NBPF3: variants seen among roughly 807,000 people sequenced by gnomAD.
NBPF3 encodes the protein NBPF family member NBPF3.
Under a neutral mutation model 78.1 loss-of-function variants are expected in NBPF3, and 57 were observed. That is an observed-to-expected ratio of 0.73 (90% confidence interval 0.59 to 0.91). NBPF3 has a LOEUF of 0.91. NBPF3 is among the 40% of genes least tolerant of loss of function. The pLI, the probability that NBPF3 is intolerant of heterozygous loss-of-function variation, is 0.00. For missense variants in NBPF3, 510 were observed against 715.3 expected (o/e 0.71, Z 3.27); for synonymous variants, 182 against 271.7 (o/e 0.67, Z 3.25).
chr1:21,479,820 C>CTG (rs59451117), intron 10 of NBPF3, among the ~76,000 whole-genome samples: 1,423 of 102,866 alleles, frequency 0.014, 32 homozygotes, highest in African/African-American at 0.042. Flanking sequence ...CTCTCTCTCT[C>CTG]TGTGTGTGTG....
chr1:21,479,820 C>CTGTGTGTGTGTGTGTGTGTGTGTGTGTG, intron 10 of NBPF3, among the ~76,000 whole-genome samples: 1 of 102,806 alleles, frequency 9.7e-6, no homozygotes, highest in South Asian at 4.6e-4. Flanking sequence ...CTCTCTCTCT[C>CTGTGTGTGTGTGTGTGTGTGTGTGTGTG]TGTGTGTGTG....
At chr1:21,437,122 G>A (rs1640441086), upstream of NBPF3, among the ~76,000 whole-genome samples, 3 of 152,106 alleles carry the variant, frequency 2.0e-5, no homozygotes, top group Non-Finnish European at 1.5e-5. Context: ...ACAGGTCCCT[G>A]GTCATGCAGA....
At chr1:21,472,229 G>A (rs1294316147) in intron 5 of NBPF3, among the ~76,000 whole-genome samples, 3 of 152,206 alleles carry the variant, frequency 2.0e-5, no homozygotes, top group Non-Finnish European at 2.9e-5. Flanking sequence ...ATTGTCTCTT[G>A]CAAGAGTCTG....
intron 2 of NBPF3, among the ~76,000 whole-genome samples, chr1:21,448,447 G>A (rs1641115028): frequency 6.6e-6 from 1 of 152,076 alleles, no homozygotes; most frequent in Non-Finnish European, 1.5e-5. Context: ...ACTGTCTGTA[G>A]GCCTGTTTCT....
chr1:21,462,344 G>C (rs1188146963), intron 2 of NBPF3, among the ~76,000 whole-genome samples: 1 of 152,156 alleles, frequency 6.6e-6, no homozygotes, highest in Non-Finnish European at 1.5e-5. Context: ...AATGTTCTCT[G>C]TCTTTAACTG....
chr1:21,467,864 C>T (rs1642364739), intron 2 of NBPF3, among the ~76,000 whole-genome samples: 1 of 152,218 alleles, frequency 6.6e-6, no homozygotes, highest in South Asian at 2.1e-4. Context: ...GAGCTCTGGA[C>T]ATAGGGATGT....
intron 8 of NBPF3, 89 bp downstream of exon 8, chr1:21,475,040 T>G: frequency 1.8e-6 from 2 of 1,133,486 alleles, no homozygotes; most frequent in Non-Finnish European, 2.6e-6. Context: ...TGAATAGAAC[T>G]TTTTATTCCA....
At chr1:21,480,516 C>T (rs1304042943) in intron 11 of NBPF3, among the ~76,000 whole-genome samples, 5 of 146,802 alleles carry the variant, frequency 3.4e-5, no homozygotes, top group Non-Finnish European at 7.6e-5. Flanking sequence ...ATGATTTGGA[C>T]TCAAGGGTTT....
rs536930595 is a variant in NBPF3, at chr1:21,468,838, A to C, written c.284A>C (p.Lys95Thr). ...AENKQQFRNL[K>T]QKCLVTQVAY... ...AACAAACAGCAGTTCAGAAACCTCAAACAGAAATGTCTTGTAACTCAAGTG... is the reference window on the plus strand; with the variant it reads ...AACAAACAGCAGTTCAGAAACCTCACACAGAAATGTCTTGTAACTCAAGTG... Residue 95 changes from lysine to threonine, a missense_variant, in exon 3 of 15, where the codon AAA becomes ACA. By Grantham distance (78) the Lys-to-Thr change is moderately conservative. Coordinates refer to ENST00000318249, the MANE Select transcript of NBPF3 (RefSeq NM_032264.6). 1.9e-6 allele frequency: 3 copies of C among 1,614,194 alleles called. No individual in the cohort carries two copies. Among genetic ancestry groups the C allele is most frequent in the Admixed American group, 3.3e-5 (2 of 60,022 alleles).
chr1:21,445,324 C>T, intron 2 of NBPF3, 105 bp downstream of exon 2: 1 of 1,277,672 alleles, frequency 7.8e-7, no homozygotes, highest in East Asian at 2.4e-5. Context: ...CATTGCAGGG[C>T]CTTGCCTGGC....
intron 1 of NBPF3, among the ~76,000 whole-genome samples, chr1:21,441,149 G>A (rs1189682401): frequency 6.6e-6 from 1 of 152,214 alleles, no homozygotes; most frequent in Non-Finnish European, 1.5e-5. Context: ...TTGGGTTACG[G>A]TGTTGTTCAT....
At chr1:21,478,399 G>A (rs1333588980) in intron 9 of NBPF3, 92 bp downstream of exon 9, 2 of 1,385,718 alleles carry the variant, frequency 1.4e-6, no homozygotes, top group Non-Finnish European at 2.1e-6. Context: ...GTTGGGCTGA[G>A]AGTTGCCATC....
At chr1:21,443,326 A>T (rs1640770509) in intron 1 of NBPF3, among the ~76,000 whole-genome samples, 1 of 152,212 alleles carries the variant, frequency 6.6e-6, no homozygotes, top group South Asian at 2.1e-4. Context: ...TAAGTGAATT[A>T]TATGGTGTTC....
chr1:21,472,079 C>T (rs551364153), intron 5 of NBPF3, among the ~76,000 whole-genome samples: 10 of 152,242 alleles, frequency 6.6e-5, no homozygotes, highest in Middle Eastern at 3.4e-3. Flanking sequence ...GACGGGAGGG[C>T]GCTTTTTAGA....
chr1:21,442,661 G>T (rs1373743643), intron 1 of NBPF3, among the ~76,000 whole-genome samples: 1 of 149,152 alleles, frequency 6.7e-6, no homozygotes, highest in Non-Finnish European at 1.5e-5. Flanking sequence ...TTTTATTTCA[G>T]TTTTTGCATT....
Position 21,441,754 on chromosome 1 carries a change from A to G in NBPF3, c.-140+1406A>G, listed in dbSNP as rs183732194. On this transcript the variant is annotated intron_variant, in intron 1 of 14. Transcript: ENST00000318249. The stretch of plus-strand genomic sequence containing the variant: ...ATGAATTTTGACCAAGTGAACCACC[A>G]CAGATCAAGAAATAGAACATTACTA... Among the ~76,000 whole-genome samples, 5 of 151,946 alleles carry G rather than the reference A, an allele frequency of 3.3e-5. No individual in the cohort carries two copies. The East Asian group carries it at 9.6e-4, about 29-fold the overall frequency.
chr1:21,458,606 G>T (rs1206122098), intron 2 of NBPF3, among the ~76,000 whole-genome samples: 4 of 152,192 alleles, frequency 2.6e-5, no homozygotes, highest in Admixed American at 6.5e-5. Context: ...ATTAACCGTT[G>T]ATGCAAATAC....
chr1:21,478,547 T>C (rs1430161304), intron 9 of NBPF3, among the ~76,000 whole-genome samples: 1 of 152,238 alleles, frequency 6.6e-6, no homozygotes, highest in Non-Finnish European at 1.5e-5. Context: ...GGACTGACTG[T>C]CAGGACACTG....
At chr1:21,441,919 G>A (rs1255174555) in intron 1 of NBPF3, among the ~76,000 whole-genome samples, 1 of 152,068 alleles carries the variant, frequency 6.6e-6, no homozygotes, top group East Asian at 1.9e-4. Flanking sequence ...CCACATCCTC[G>A]CTGATGCCTG....
Sources: gnomAD v4.1 joint callset for allele counts (sites outside exome capture counted in the v4.1 genomes callset) on GRCh38, gnomAD v4.1.1 for gene constraint, MANE v1.5 for transcripts, NCBI Gene and HGNC (gene_info 2026-07-23, HGNC 2026-07-21) for gene names.